The following CAMKMT variants were observed in gnomAD, a reference collection of about 807,000 sequenced individuals.
The protein encoded by CAMKMT is CaM KMT.
CAMKMT carries 53 observed loss-of-function variants against 48.0 expected under a neutral mutation model. The ratio of observed to expected loss-of-function variants is 1.10; its 90% CI spans 0.89 to 1.39. CAMKMT has a LOEUF of 1.39. CAMKMT is among the 40% of genes most tolerant of loss of function. The pLI, the probability that CAMKMT is intolerant of heterozygous loss-of-function variation, is 0.00. For synonymous variants in CAMKMT, 165 were observed against 152.3 expected (o/e 1.08, Z -0.61); for missense variants, 428 against 402.7 (o/e 1.06, Z -0.54).
chr2:44,681,956 T>G (rs1338693048), intron 3 of CAMKMT, among the ~76,000 whole-genome samples: 1 of 152,222 alleles, frequency 6.6e-6, no homozygotes, highest in Non-Finnish European at 1.5e-5. Flanking sequence ...AGTTACTACT[T>G]GTGTTAAGCA....
chr2:44,684,785 A>T (rs889338923), intron 3 of CAMKMT, among the ~76,000 whole-genome samples: 1 of 152,136 alleles, frequency 6.6e-6, no homozygotes, highest in African/African-American at 2.4e-5. Flanking sequence ...TATCCTGTCT[A>T]TTGGTGATAA....
intron 3 of CAMKMT, among the ~76,000 whole-genome samples, chr2:44,667,316 A>G (rs1417861185): frequency 6.6e-6 from 1 of 152,118 alleles, no homozygotes; most frequent in Non-Finnish European, 1.5e-5. Context: ...CCAGCAGATG[A>G]TATCCCCATC....
intron 3 of CAMKMT, among the ~76,000 whole-genome samples, chr2:44,580,981 C>G (rs905973041): frequency 6.6e-6 from 1 of 152,034 alleles, no homozygotes; most frequent in Non-Finnish European, 1.5e-5. Context: ...ACCTTAGATG[C>G]TGGTGGGATT....
intron 3 of CAMKMT, among the ~76,000 whole-genome samples, chr2:44,410,220 G>GCTTTGCATAAACCATAAATTGAAA (rs1453781358): frequency 1.7e-5 from 1 of 59,158 alleles, no homozygotes; most frequent in Non-Finnish European, 3.5e-5. Flanking sequence ...TAAGTAATTA[G>GCTTTGCATAAACCATAAATTGAAA]TCAGGTATCA....
At chr2:44,460,889 A>T (rs936291596) in intron 3 of CAMKMT, among the ~76,000 whole-genome samples, 1 of 151,812 alleles carries the variant, frequency 6.6e-6, no homozygotes, top group African/African-American at 2.4e-5. Context: ...CACCCAGCTA[A>T]TTTTTGTACT....
chr2:44,529,603 C>G (rs1666358952), intron 3 of CAMKMT, among the ~76,000 whole-genome samples: 1 of 152,186 alleles, frequency 6.6e-6, no homozygotes, highest in Non-Finnish European at 1.5e-5. Flanking sequence ...GGCAGCCATT[C>G]TGCAGCAGCC....
At chr2:44,376,077 C>G (rs1336704733) in intron 2 of CAMKMT, among the ~76,000 whole-genome samples, 2 of 151,830 alleles carry the variant, frequency 1.3e-5, no homozygotes, top group Non-Finnish European at 2.9e-5. Context: ...TGTGAGCCAC[C>G]ACGCCCAGCC....
intron 3 of CAMKMT, among the ~76,000 whole-genome samples, chr2:44,582,289 T>C (rs1669608350): frequency 6.6e-6 from 1 of 152,204 alleles, no homozygotes; most frequent in African/African-American, 2.4e-5. Flanking sequence ...GCTCTTTCTC[T>C]CTGAAAAGAA....
intron 3 of CAMKMT, among the ~76,000 whole-genome samples, chr2:44,598,433 A>T (rs937747074): frequency 1.1e-4 from 17 of 151,984 alleles, no homozygotes; most frequent in African/African-American, 3.6e-4. Context: ...AATTGGTTGA[A>T]AGGCTTTATT....
chr2:44,479,348 G>A (rs573174890), intron 3 of CAMKMT, among the ~76,000 whole-genome samples: 1 of 152,294 alleles, frequency 6.6e-6, no homozygotes, highest in East Asian at 1.9e-4. Context: ...AGCAACTGGG[G>A]AACAACTTTG....
At chr2:44,561,972 C>A (rs1262305566) in intron 3 of CAMKMT, among the ~76,000 whole-genome samples, 3 of 152,152 alleles carry the variant, frequency 2.0e-5, no homozygotes, top group Admixed American at 2.0e-4. Context: ...AAGTGAGCCT[C>A]CATTCCAAGT....
chr2:44,654,051 A>G (rs1255593651), intron 3 of CAMKMT, among the ~76,000 whole-genome samples: 1 of 152,234 alleles, frequency 6.6e-6, no homozygotes, highest in Admixed American at 6.5e-5. Flanking sequence ...CAATGAACTT[A>G]TAAATACCTG....
intron 3 of CAMKMT, among the ~76,000 whole-genome samples, chr2:44,630,241 T>C (rs1282320529): frequency 5.3e-5 from 8 of 150,610 alleles, no homozygotes; most frequent in Admixed American, 2.0e-4. Context: ...ATACAAAAAT[T>C]AATTCAAGAT....
chr2:44,612,190 T>A (rs1461531111), intron 3 of CAMKMT, among the ~76,000 whole-genome samples: 1 of 96,522 alleles, frequency 1.0e-5, no homozygotes, highest in Non-Finnish European at 2.6e-5. Context: ...ATCATTAGAA[T>A]GATCAAAACC....
intron 3 of CAMKMT, among the ~76,000 whole-genome samples, chr2:44,428,588 C>T (rs1238314943): frequency 6.6e-6 from 1 of 152,234 alleles, no homozygotes. Context: ...TTCCCTGCCT[C>T]CTGTCCATAT....
At chr2:44,462,194 T>A (rs759093237) in intron 3 of CAMKMT, among the ~76,000 whole-genome samples, 1 of 152,092 alleles carries the variant, frequency 6.6e-6, no homozygotes, top group Non-Finnish European at 1.5e-5. Flanking sequence ...GGACAACTCA[T>A]GTAGAAAATT....
chr2:44,484,907 A>G (rs892773592), intron 3 of CAMKMT, among the ~76,000 whole-genome samples: 3 of 152,216 alleles, frequency 2.0e-5, no homozygotes, highest in Admixed American at 1.3e-4. Context: ...CACAAATGTG[A>G]AAAACATGAA....
intron 3 of CAMKMT, chr2:44,549,790 T>C: frequency 2.3e-6 from 1 of 428,282 alleles, no homozygotes; most frequent in Non-Finnish European, 4.1e-6. Flanking sequence ...ACTTACATCC[T>C]AGAACAAAGA....
chr2:44,435,640 T>G (rs1310458141), intron 3 of CAMKMT, among the ~76,000 whole-genome samples: 1 of 152,256 alleles, frequency 6.6e-6, no homozygotes, highest in African/African-American at 2.4e-5. Context: ...TGTTTCTGAC[T>G]TCACAACTTG....
Sources: gnomAD v4.1 joint callset for allele counts (sites outside exome capture counted in the v4.1 genomes callset) on GRCh38, gnomAD v4.1.1 for gene constraint, MANE v1.5 for transcripts, NCBI Gene and HGNC (gene_info 2026-07-23, HGNC 2026-07-21) for gene names.